Variants in SGCZ observed in about 807,000 individuals in gnomAD.
The protein encoded by SGCZ is zeta-sarcoglycan.
Under a neutral mutation model 41.3 loss-of-function variants are expected in SGCZ, and 40 were observed. The ratio of observed to expected loss-of-function variants is 0.97; its 90% CI spans 0.75 to 1.26. The LOEUF is 1.26. Ranked by LOEUF, SGCZ falls within the 50% of genes most tolerant of loss-of-function variation. The pLI, the probability that SGCZ is intolerant of heterozygous loss-of-function variation, is 0.00. For synonymous variants in SGCZ, 206 were observed against 137.5 expected (o/e 1.50, Z -3.49); for missense variants, 552 against 369.8 (o/e 1.49, Z -4.04).
At position 14,495,916 on chromosome 8, in the gene SGCZ, G is replaced by T. The variant is rs1361693879; in HGVS notation, c.234+58816C>A. Among the ~76,000 whole-genome samples, 3 of 152,220 alleles carry T rather than the reference G, an allele frequency of 2.0e-5. No individual in the cohort carries two copies. The East Asian group carries it at 5.8e-4, about 30-fold the overall frequency. On this transcript the variant is annotated intron_variant, in intron 2 of 7. Transcript: ENST00000382080. Reference sequence around the variant, plus strand: ...GCTGAGTCCATCCCTAAGGACATTTGTTGGATCTAGGGACTTGAGTAGACA... The same window carrying T: ...GCTGAGTCCATCCCTAAGGACATTTTTTGGATCTAGGGACTTGAGTAGACA...
At chr8:14,106,257 G>GAAGA (rs1445940696) in intron 6 of SGCZ, among the ~76,000 whole-genome samples, 1 of 152,248 alleles carries the variant, frequency 6.6e-6, no homozygotes, top group East Asian at 1.9e-4. Flanking sequence ...TTTGTTAGGA[G>GAAGA]AAGAAAGATA....
intron 2 of SGCZ, among the ~76,000 whole-genome samples, chr8:14,547,138 T>C (rs1803654077): frequency 1.3e-5 from 2 of 152,164 alleles, no homozygotes; most frequent in African/African-American, 2.4e-5. Flanking sequence ...TAATTCACAA[T>C]ATAATATCTT....
At chr8:14,201,352 A>G (rs1255517858) in intron 4 of SGCZ, among the ~76,000 whole-genome samples, 1 of 152,166 alleles carries the variant, frequency 6.6e-6, no homozygotes, top group Non-Finnish European at 1.5e-5. Context: ...ATCAAGAATC[A>G]CCAAAAAAGA....
chr8:15,131,139 G>C (rs1028342969), intron 1 of SGCZ, among the ~76,000 whole-genome samples: 1 of 152,088 alleles, frequency 6.6e-6, no homozygotes, highest in Non-Finnish European at 1.5e-5. Context: ...ACTTAAATAA[G>C]GTGCTTCAGT....
chr8:14,108,689 G>A (rs1802283266), intron 5 of SGCZ, among the ~76,000 whole-genome samples: 1 of 152,004 alleles, frequency 6.6e-6, no homozygotes, highest in Non-Finnish European at 1.5e-5. Flanking sequence ...TTTGAGAGAG[G>A]ACACAGAGCC....
chr8:14,686,201 T>C (rs568603282), intron 1 of SGCZ, among the ~76,000 whole-genome samples: 1 of 152,096 alleles, frequency 6.6e-6, no homozygotes, highest in Non-Finnish European at 1.5e-5. Flanking sequence ...ACAGTATATG[T>C]TTAGAAGTAA....
At chr8:14,581,666 C>T (rs1380861891) in intron 1 of SGCZ, among the ~76,000 whole-genome samples, 4 of 152,120 alleles carry the variant, frequency 2.6e-5, no homozygotes, top group African/African-American at 4.8e-5. Flanking sequence ...CCAAGAGTTA[C>T]TATTCTTCTC....
chr8:14,524,585 T>C (rs566854720), intron 2 of SGCZ, among the ~76,000 whole-genome samples: 1 of 152,264 alleles, frequency 6.6e-6, no homozygotes, highest in African/African-American at 2.4e-5. Context: ...TTAAAAAACA[T>C]TATTTATAAC....
intron 2 of SGCZ, among the ~76,000 whole-genome samples, chr8:14,497,213 G>A (rs1044035348): frequency 2.0e-5 from 3 of 152,138 alleles, no homozygotes; most frequent in Admixed American, 6.6e-5. Context: ...TTGGCTCACG[G>A]TTCTGCAAGC....
chr8:14,148,110 C>G (rs2116943849), intron 5 of SGCZ, among the ~76,000 whole-genome samples: 1 of 152,064 alleles, frequency 6.6e-6, no homozygotes, highest in East Asian at 1.9e-4. Flanking sequence ...AGAGGAAAGC[C>G]TTCAAATAAA....
chr8:14,569,012 A>G (rs1038883099), intron 1 of SGCZ, among the ~76,000 whole-genome samples: 3 of 152,166 alleles, frequency 2.0e-5, no homozygotes, highest in Non-Finnish European at 4.4e-5. Flanking sequence ...CCTGTTTCTT[A>G]TCATGTATTG....
chr8:15,106,198 A>C (rs945294829), intron 1 of SGCZ, among the ~76,000 whole-genome samples: 2 of 152,084 alleles, frequency 1.3e-5, no homozygotes, highest in African/African-American at 4.8e-5. Flanking sequence ...CTAATTAGTA[A>C]ATGATGTGTT....
chr8:14,882,739 CTA>C lies in SGCZ; in HGVS notation c.40-327815_40-327814del, dbSNP rs560548021. 8.2e-3 allele frequency among the ~76,000 whole-genome samples: 1,251 copies of C among 152,178 alleles called. 9 individuals carry two copies. Among genetic ancestry groups the C allele is most frequent in the Middle Eastern group, 0.021 (6 of 292 alleles). ...AACTCCTGGTAATACCTTCCTCAAT[CTA>C]CCCTCTTTTTCTATTTTTCTATCTC... On this transcript the variant is annotated intron_variant, in intron 1 of 7. Transcript: ENST00000382080.
intron 1 of SGCZ, among the ~76,000 whole-genome samples, chr8:14,584,482 C>T (rs536964700): frequency 1.8e-4 from 28 of 152,124 alleles, no homozygotes; most frequent in African/African-American, 6.5e-4. Context: ...CTAGTGACTA[C>T]ATATATGCCA....
intron 2 of SGCZ, among the ~76,000 whole-genome samples, chr8:14,551,840 G>A (rs1475162231): frequency 2.1e-5 from 3 of 139,986 alleles, no homozygotes; most frequent in African/African-American, 6.2e-5. Context: ...AAACACAAGG[G>A]CATATCAATC....
intron 2 of SGCZ, among the ~76,000 whole-genome samples, chr8:14,436,209 A>G (rs1157700765): frequency 3.9e-5 from 6 of 152,154 alleles, no homozygotes; most frequent in South Asian, 2.1e-4. Flanking sequence ...CTGGAAGCCA[A>G]TGAGCCACGG....
At chr8:14,591,237 G>C (rs1025803641) in intron 1 of SGCZ, among the ~76,000 whole-genome samples, 1 of 151,720 alleles carries the variant, frequency 6.6e-6, no homozygotes, top group Non-Finnish European at 1.5e-5. Context: ...TCTTTTTAAA[G>C]ATTTGGATAT....
At chr8:14,958,695 C>T (rs559280546) in intron 1 of SGCZ, among the ~76,000 whole-genome samples, 65 of 151,760 alleles carry the variant, frequency 4.3e-4, no homozygotes, top group Non-Finnish European at 7.4e-4. Context: ...TAGATTTGTG[C>T]ATTTTATCAC....
chr8:14,593,929 C>T (rs892206602), intron 1 of SGCZ, among the ~76,000 whole-genome samples: 1 of 152,042 alleles, frequency 6.6e-6, no homozygotes, highest in Non-Finnish European at 1.5e-5. Flanking sequence ...AATCCCCGCA[C>T]TTTGGGAGGC....
Sources: gnomAD v4.1 joint callset for allele counts (sites outside exome capture counted in the v4.1 genomes callset) on GRCh38, gnomAD v4.1.1 for gene constraint, MANE v1.5 for transcripts, NCBI Gene and HGNC (gene_info 2026-07-23, HGNC 2026-07-21) for gene names.